KCNIP4: variants seen among roughly 807,000 people sequenced by gnomAD.
The protein encoded by KCNIP4 is Kv channel-interacting protein 4.
A neutral mutation model predicts 34.0 loss-of-function variants in KCNIP4; 12 were observed. That is an observed-to-expected ratio of 0.35 (90% CI 0.23 to 0.57). The LOEUF is 0.57. Ranked by LOEUF, KCNIP4 falls within the 20% of genes least tolerant of loss-of-function variation. The probability of loss-of-function intolerance (pLI) is 0.83; values close to 1 mark genes in which losing one functional copy is unlikely to be tolerated. For synonymous variants in KCNIP4, 124 were observed against 102.2 expected, an observed-to-expected ratio of 1.21 and a Z score of -1.29; for missense variants, 238 against 311.7, an observed-to-expected ratio of 0.76 and a Z score of 1.78.
chr4:21,099,233 G>T (rs757771767), intron 1 of KCNIP4, among the ~76,000 whole-genome samples: 14 of 152,284 alleles, frequency 9.2e-5, no homozygotes, highest in Non-Finnish European at 1.0e-4. Flanking sequence ...GTCCATCAAT[G>T]ATAGACTGAA....
At chr4:20,888,027 A>C (rs1346086570) in intron 1 of KCNIP4, among the ~76,000 whole-genome samples, 2 of 152,086 alleles carry the variant, frequency 1.3e-5, no homozygotes, top group African/African-American at 4.8e-5. Flanking sequence ...AAAATAGTCT[A>C]TAATAAATGA....
intron 1 of KCNIP4, among the ~76,000 whole-genome samples, chr4:20,993,036 A>AG (rs1737225663): frequency 6.6e-6 from 1 of 150,782 alleles, no homozygotes; most frequent in Admixed American, 6.6e-5. Context: ...TCAAAAAAAA[A>AG]AAAAAAAAAA....
At chr4:21,409,943 G>A (rs1307023499) in intron 1 of KCNIP4, among the ~76,000 whole-genome samples, 1 of 152,146 alleles carries the variant, frequency 6.6e-6, no homozygotes, top group Non-Finnish European at 1.5e-5. Context: ...AAAACAATGA[G>A]CATGAGAAGA....
chr4:21,044,017 A>G (rs912305155), intron 1 of KCNIP4, among the ~76,000 whole-genome samples: 4 of 152,086 alleles, frequency 2.6e-5, no homozygotes, highest in African/African-American at 7.2e-5. Context: ...ATAATTCTGG[A>G]GTAGAAATTC....
intron 1 of KCNIP4, among the ~76,000 whole-genome samples, chr4:20,932,670 G>T (rs181182269): frequency 6.6e-6 from 1 of 152,090 alleles, no homozygotes; most frequent in Non-Finnish European, 1.5e-5. Context: ...GTAAACCTCA[G>T]ATATACACAA....
chr4:21,756,686 C>A (rs915825032), intron 1 of KCNIP4, among the ~76,000 whole-genome samples: 2 of 152,078 alleles, frequency 1.3e-5, no homozygotes, highest in Admixed American at 1.3e-4. Flanking sequence ...ACAAATCTAC[C>A]TTGATATCTC....
intron 1 of KCNIP4, among the ~76,000 whole-genome samples, chr4:21,001,147 C>T (rs936935486): frequency 1.3e-5 from 2 of 152,106 alleles, no homozygotes; most frequent in African/African-American, 2.4e-5. Context: ...GAAATATCTA[C>T]CGAAAGCAAC....
chr4:20,733,907 C>A (rs1287098575), intron 6 of KCNIP4, among the ~76,000 whole-genome samples: 1 of 152,098 alleles, frequency 6.6e-6, no homozygotes, highest in South Asian at 2.1e-4. Flanking sequence ...TCTCCAGTAG[C>A]GCAAGTTCAT....
intron 1 of KCNIP4, among the ~76,000 whole-genome samples, chr4:21,452,639 C>G (rs757216562): frequency 2.2e-4 from 34 of 151,772 alleles, no homozygotes; most frequent in Non-Finnish European, 4.1e-4. Flanking sequence ...TAACTACTAC[C>G]ATGACACCCA....
At chr4:21,610,651 C>T (rs962918579) in intron 1 of KCNIP4, among the ~76,000 whole-genome samples, 3 of 151,954 alleles carry the variant, frequency 2.0e-5, no homozygotes, top group African/African-American at 4.8e-5. Flanking sequence ...AATAAGAATA[C>T]GAAGTCATTT....
At chr4:21,461,317 C>T (rs1729445291) in intron 1 of KCNIP4, among the ~76,000 whole-genome samples, 1 of 152,052 alleles carries the variant, frequency 6.6e-6, no homozygotes, top group African/African-American at 2.4e-5. Flanking sequence ...GCCATGCAAA[C>T]TGTGAGTCAA....
intron 1 of KCNIP4, among the ~76,000 whole-genome samples, chr4:21,631,686 T>C (rs1745776623): frequency 6.6e-6 from 1 of 152,202 alleles, no homozygotes; most frequent in South Asian, 2.1e-4. Flanking sequence ...AATTCAATTC[T>C]ATCTTTATGT....
At chr4:21,620,624 T>A (rs923527394) in intron 1 of KCNIP4, among the ~76,000 whole-genome samples, 2 of 151,846 alleles carry the variant, frequency 1.3e-5, no homozygotes, top group African/African-American at 4.8e-5. Flanking sequence ...AAATAGAAAA[T>A]GAAAAAGAAA....
intron 1 of KCNIP4, among the ~76,000 whole-genome samples, chr4:21,724,261 T>A (rs1227785189): frequency 6.6e-6 from 1 of 152,150 alleles, no homozygotes; most frequent in Non-Finnish European, 1.5e-5. Context: ...TGAAGTCATG[T>A]AAACAAAAGT....
intron 1 of KCNIP4, among the ~76,000 whole-genome samples, chr4:21,518,463 T>C (rs1577506350): frequency 1.3e-5 from 2 of 152,212 alleles, no homozygotes; most frequent in East Asian, 3.9e-4. Context: ...TGGTGGGAGA[T>C]GCAGCGGGTG....
chr4:20,791,474 C>T (rs906532949), intron 3 of KCNIP4, among the ~76,000 whole-genome samples: 1 of 152,004 alleles, frequency 6.6e-6, no homozygotes, highest in African/African-American at 2.4e-5. Context: ...GAGTTTTTAT[C>T]ATATATAAAC....
intron 1 of KCNIP4, among the ~76,000 whole-genome samples, chr4:21,429,600 C>A (rs956219881): frequency 6.6e-6 from 1 of 152,162 alleles, no homozygotes; most frequent in South Asian, 2.1e-4. Flanking sequence ...GCCTTCCCAA[C>A]AACAGTGAAT....
At chr4:21,765,816 C>A (rs1718369933) in intron 1 of KCNIP4, among the ~76,000 whole-genome samples, 2 of 69,264 alleles carry the variant, frequency 2.9e-5, no homozygotes, top group African/African-American at 8.0e-5. Context: ...AGCACCAGGC[C>A]GTGAAAAAAA....
intron 1 of KCNIP4, among the ~76,000 whole-genome samples, chr4:21,645,545 A>G (rs553854852): frequency 6.6e-6 from 1 of 152,302 alleles, no homozygotes; most frequent in Non-Finnish European, 1.5e-5. Flanking sequence ...ATGCCCATAG[A>G]AAATCTAGTG....
Sources: allele counts gnomAD v4.1 joint callset (sites outside exome capture counted in the v4.1 genomes callset), GRCh38; gene constraint gnomAD v4.1.1; transcripts MANE v1.5; gene names NCBI Gene and HGNC (gene_info 2026-07-23, HGNC 2026-07-21).